The following ATXN10 variants were observed in gnomAD, a reference collection of about 807,000 sequenced individuals.
ATXN10 encodes the protein ataxin 10.
A neutral mutation model predicts 52.9 loss-of-function variants in ATXN10; 28 were observed. The observed-to-expected ratio is 0.53, with a 90% CI of 0.39 to 0.73. The LOEUF (loss-of-function observed/expected upper bound fraction) is 0.73, where lower values mean the gene tolerates loss of function less well. ATXN10 is among the 30% of genes least tolerant of loss of function. ATXN10 has a pLI of 0.00. For missense variants in ATXN10, 565 were observed against 577.0 expected (o/e 0.98, Z 0.21); for synonymous variants, 226 against 221.5 (o/e 1.02, Z -0.18).
chr22:45,793,537 C>G (rs1381757519), intron 9 of ATXN10: 1 of 1,245,712 alleles, frequency 8.0e-7, no homozygotes, highest in Non-Finnish European at 1.0e-6. Context: ...ACAAATAATT[C>G]TGTCAAGCTC....
Position 45,693,141 on chromosome 22 carries a change from T to C in ATXN10, c.391+63T>C, listed in dbSNP as rs1398688998. The C allele has an allele frequency of 5.3e-6, 7 of 1,327,934 alleles. No individual in the cohort carries two copies. In the African/African-American group the frequency reaches 1.0e-4, roughly 19 times the overall value. 82.3% of individuals were successfully genotyped at this position (1,327,934 alleles called of 1,614,324 possible). A position where few individuals can be genotyped will look rare whatever the true frequency, so the allele number is the denominator to read the frequency against. The stretch of plus-strand genomic sequence containing the variant: ...TATAAAGGGTTCAAAACCAGTACTT[T>C]GAGTATTAACATCATTCATTGAAAC... On this transcript the variant is annotated intron_variant, in intron 3 of 11. Transcript: ENST00000252934.
At chr22:45,831,256 C>T (rs573424558) in intron 10 of ATXN10, among the ~76,000 whole-genome samples, 5 of 152,030 alleles carry the variant, frequency 3.3e-5, no homozygotes, top group East Asian at 3.9e-4. Flanking sequence ...AGACGAGTTG[C>T]GGAGATGGAT....
Position 45,841,672 on chromosome 22 carries a change from C to A in ATXN10, c.1238-1319C>A, listed in dbSNP as rs1001563599. Among the ~76,000 whole-genome samples, 1 of 152,202 alleles carries A rather than the reference C, an allele frequency of 6.6e-6. No homozygotes were observed. The highest frequency in any genetic ancestry group is 2.4e-5 in the African/African-American group (1 of 41,444). On this transcript the variant is annotated intron_variant, in intron 10 of 11. Coordinates refer to ENST00000252934, the MANE Select transcript of ATXN10 (RefSeq NM_013236.4). This position sits in a 1 kb window ranked among gnomAD's most constrained non-coding sequence, Gnocchi z 5.1. Reference sequence around the variant, plus strand: ...GTTTCAGTTGTCTGACTTAATTGGACAGTCATTTTTACTATTTTCTTTTGA... The same window carrying A: ...GTTTCAGTTGTCTGACTTAATTGGAAAGTCATTTTTACTATTTTCTTTTGA...
chr22:45,749,972 T>G (rs933119645), intron 9 of ATXN10, among the ~76,000 whole-genome samples: 1 of 152,208 alleles, frequency 6.6e-6, no homozygotes, highest in Admixed American at 6.5e-5. Flanking sequence ...AGGGAGACAT[T>G]GGGGAAGTAA....
chr22:45,792,763 T>C (rs1320134167), intron 9 of ATXN10: 1 of 479,780 alleles, frequency 2.1e-6, no homozygotes, highest in Admixed American at 2.3e-5. Flanking sequence ...TTCTCTTCTT[T>C]TGAAATCGTC....
At chr22:45,830,340 G>A (rs1370569412) in intron 10 of ATXN10, among the ~76,000 whole-genome samples, 3 of 152,200 alleles carry the variant, frequency 2.0e-5, no homozygotes, top group Admixed American at 2.0e-4. Context: ...AAGGAAAAAT[G>A]ATAAATTGGA....
chr22:45,834,682 T>C (rs1929107171), intron 10 of ATXN10, among the ~76,000 whole-genome samples: 1 of 152,186 alleles, frequency 6.6e-6, no homozygotes, highest in South Asian at 2.1e-4. Context: ...TGGGCAAATA[T>C]TTTAAACACT....
intron 7 of ATXN10, among the ~76,000 whole-genome samples, chr22:45,731,159 G>T (rs1925074794): frequency 6.6e-6 from 1 of 152,166 alleles, no homozygotes; most frequent in Non-Finnish European, 1.5e-5. Flanking sequence ...GGACCACTCA[G>T]CTGTAAAAAG....
chr22:45,758,611 A>T (rs1473324784), intron 9 of ATXN10, among the ~76,000 whole-genome samples: 1 of 152,246 alleles, frequency 6.6e-6, no homozygotes, highest in East Asian at 1.9e-4. Flanking sequence ...TCTGACAGCT[A>T]TCTTTAAGAT....
chr22:45,710,402 A>T (rs1180967348), intron 5 of ATXN10, among the ~76,000 whole-genome samples: 1 of 152,122 alleles, frequency 6.6e-6, no homozygotes, highest in Non-Finnish European at 1.5e-5. Flanking sequence ...CGACTGAGAG[A>T]CCTTCCCAGC....
chr22:45,689,468 T>C, intron 1 of ATXN10: 1 of 543,382 alleles, frequency 1.8e-6, no homozygotes, highest in Non-Finnish European at 3.3e-6. Flanking sequence ...GAGAGGACAG[T>C]GTTGGCCTCA....
intron 5 of ATXN10, among the ~76,000 whole-genome samples, chr22:45,703,181 A>G (rs1225875707): frequency 6.6e-6 from 1 of 152,222 alleles, no homozygotes. Context: ...TGCAGTAGCT[A>G]GTTCATTAGA....
In ATXN10 at chr22:45,740,494, C is replaced by T. The variant is rs1422941057; in HGVS notation, c.1129C>T (p.Leu377=). ...TGGGTTTAAGTCTCATCTCATTCGTCTGATTGGAAATCTGTGTTACAAGAA... is the reference window on the plus strand; with the variant it reads ...TGGGTTTAAGTCTCATCTCATTCGTTTGATTGGAAATCTGTGTTACAAGAA... The part of the protein sequence containing the change: ...ANGFKSHLIR[L]IGNLCYKNKD... The change falls in exon 9 of 12, where the codon CTG becomes TTG. Residue 377 remains leucine (L), a synonymous_variant. Coordinates refer to ENST00000252934, the MANE Select transcript of ATXN10 (RefSeq NM_013236.4). The T allele has an allele frequency of 1.2e-6, 2 of 1,613,744 alleles. No individual in the cohort carries two copies. The highest frequency in any genetic ancestry group is 1.7e-6 in the Non-Finnish European group (2 of 1,179,884).
chr22:45,798,571 T>A (rs1034071745), intron 9 of ATXN10, among the ~76,000 whole-genome samples: 4 of 152,188 alleles, frequency 2.6e-5, no homozygotes, highest in African/African-American at 9.7e-5. Flanking sequence ...ACAGCTAGTT[T>A]CATACTTTAT....
intron 3 of ATXN10, among the ~76,000 whole-genome samples, chr22:45,698,143 T>C (rs9614760): frequency 0.055 from 8,300 of 152,284 alleles, 257 homozygotes; most frequent in African/African-American, 0.082. Flanking sequence ...TCTGTTTTTA[T>C]TTCTTTTGGG....
At chr22:45,782,277 A>G (rs1178722648) in intron 9 of ATXN10, among the ~76,000 whole-genome samples, 3 of 152,182 alleles carry the variant, frequency 2.0e-5, no homozygotes, top group Non-Finnish European at 4.4e-5. Context: ...TTTGCTAAAT[A>G]TATTGTTTTG....
At position 45,833,079 on chromosome 22, in the gene ATXN10, A is replaced by G. The variant is rs187628510; in HGVS notation, c.1238-9912A>G. Among the ~76,000 whole-genome samples the G allele has an allele frequency of 1.1e-3, 171 of 152,382 alleles. 2 individuals are homozygous for G. Among genetic ancestry groups the G allele is most frequent in the Admixed American group, 4.3e-3 (66 of 15,312 alleles). On this transcript the variant is annotated intron_variant, in intron 10 of 11. Coordinates refer to ENST00000252934, the MANE Select transcript of ATXN10 (RefSeq NM_013236.4). This position sits in a 1 kb window ranked among gnomAD's most constrained non-coding sequence, Gnocchi z 4.3. ...GAGATCTCCTTGTTGAAAGAAATCA[A>G]TCAGACTGCAGGTAACTCTTGAGTC...
At position 45,702,824 on chromosome 22, in the gene ATXN10, A is replaced by G; in HGVS notation, c.624A>G (p.Gln208=). 2 of 1,613,916 alleles carry G rather than the reference A, an allele frequency of 1.2e-6. No homozygotes were observed. Among genetic ancestry groups the G allele is most frequent in the Non-Finnish European group, 8.5e-7 (1 of 1,179,966 alleles). ...CAATTGATGTCATAGATGCTTACCA[A>G]AAACATCCTGAATCAGAATGGCCGT... ...NIAIDVIDAY[Q]KHPESEWPFL... The change falls in exon 5 of 12, where the codon CAA becomes CAG. Residue 208 remains glutamine, a synonymous_variant. Coordinates refer to ENST00000252934, the MANE Select transcript of ATXN10 (RefSeq NM_013236.4).
In ATXN10 at chr22:45,698,482, G is replaced by A. The variant is rs1219231155; in HGVS notation, c.392-1800G>A. ...GCTGTTTGTGTCTATTTCTTGTAGA[G>A]TTGTAAAGGTTTTCTATACATTGTA... On this transcript the variant is annotated intron_variant, in intron 3 of 11. Coordinates refer to ENST00000252934, the MANE Select transcript of ATXN10 (RefSeq NM_013236.4). 2.6e-5 allele frequency among the ~76,000 whole-genome samples: 4 copies of A among 152,182 alleles called. No homozygotes were observed. The East Asian group carries it at 5.8e-4, about 22-fold the overall frequency.
Sources: allele counts gnomAD v4.1 joint callset (sites outside exome capture counted in the v4.1 genomes callset), GRCh38; gene constraint gnomAD v4.1.1; non-coding constraint Gnocchi (gnomAD v3.1); transcripts MANE v1.5; gene names NCBI Gene and HGNC (gene_info 2026-07-23, HGNC 2026-07-21).